KLK6: variants seen among roughly 807,000 people sequenced by gnomAD.
The protein encoded by KLK6 is kallikrein-6.
Under a neutral mutation model 21.7 loss-of-function variants are expected in KLK6, and 16 were observed. That is an observed-to-expected ratio of 0.74 (90% CI 0.50 to 1.12). The LOEUF is 1.12. Among genes scored for constraint, KLK6 ranks in the 50% most tolerant of loss-of-function variants. The pLI is 0.00. For synonymous variants in KLK6, 116 were observed against 120.1 expected (o/e 0.97, Z 0.22); for missense variants, 276 against 304.6 (o/e 0.91, Z 0.70).
rs369361330 is a variant in KLK6, at chr19:50,967,374, C to T, written c.41-49G>A. ...AGAGAGGAGTTCTGGAGAAACCAAG[C>T]GCATCCCCCTCAACATGAACTCCAG... On this transcript the variant is annotated intron_variant, in intron 3 of 6. Transcript: ENST00000310157. 2.9e-4 allele frequency: 443 copies of T among 1,529,166 alleles called. 1 individual carries two copies. Among genetic ancestry groups the T allele is most frequent in the South Asian group, 9.6e-4 (76 of 79,106 alleles). The allele number at this position is 1,529,166 out of a possible 1,614,324, so 94.7% of individuals were successfully genotyped here. A position where few individuals can be genotyped will look rare whatever the true frequency, so the allele number is the denominator to read the frequency against.
At chr19:50,963,123 C>T (rs945523524) in intron 5 of KLK6, among the ~76,000 whole-genome samples, 179 bp downstream of exon 5, 5 of 152,172 alleles carry the variant, frequency 3.3e-5, no homozygotes, top group African/African-American at 1.2e-4. Context: ...CTCACTGGCC[C>T]AGCTCCCAAA....
At chr19:50,967,826 T>A (rs1215948913) in intron 3 of KLK6, among the ~76,000 whole-genome samples, 1 of 152,030 alleles carries the variant, frequency 6.6e-6, no homozygotes, top group Non-Finnish European at 1.5e-5. Flanking sequence ...ACCTCTTCTA[T>A]GTTTAGATCC....
At chr19:50,960,895 A>T (rs891656546) in intron 6 of KLK6, among the ~76,000 whole-genome samples, 9 of 152,134 alleles carry the variant, frequency 5.9e-5, no homozygotes, top group African/African-American at 2.2e-4. Context: ...CCTCCTGAGT[A>T]GCTGGGACTA....
chr19:50,958,940 G>T lies in KLK6; in HGVS notation c.*224C>A. ...TTTCCTGTATTCTCTTAGTGGTGGGGGTAAGACCGAGGACCCAAGTCCTCA... is the reference window on the plus strand; with the variant it reads ...TTTCCTGTATTCTCTTAGTGGTGGGTGTAAGACCGAGGACCCAAGTCCTCA... On this transcript the variant is annotated 3_prime_UTR_variant, in exon 7 of 7. Transcript: ENST00000310157. The T allele has an allele frequency of 1.7e-6, 1 of 581,350 alleles. No individual in the cohort carries two copies. The highest frequency in any genetic ancestry group is 2.1e-5 in the South Asian group (1 of 48,096). The allele number at this position is 581,350 out of a possible 1,614,324, so 36.0% of individuals were successfully genotyped here.
At chr19:50,967,461 T>C (rs902089643) in intron 3 of KLK6, 136 bp from the exon 4 acceptor site, 16 of 770,080 alleles carry the variant, frequency 2.1e-5, no homozygotes, top group East Asian at 1.5e-4. Context: ...GAGGATCGCT[T>C]GAGCCCAGGA....
At chr19:50,961,441 G>T (rs552148486) in intron 6 of KLK6, among the ~76,000 whole-genome samples, 1 of 152,380 alleles carries the variant, frequency 6.6e-6, no homozygotes, top group African/African-American at 2.4e-5. Context: ...CAAAGTGCCG[G>T]GATTACAGGC....
chr19:50,968,460 GT>G (rs2122182427), intron 2 of KLK6, 80 bp downstream of exon 2: 1 of 339,658 alleles, frequency 2.9e-6, no homozygotes, highest in Non-Finnish European at 5.6e-6. Flanking sequence ...CTGTATGGGA[GT>G]TTTCCTCGGA....
At chr19:50,967,531 A>ACACACACACC (rs1279739318) in intron 3 of KLK6, among the ~76,000 whole-genome samples, 4 of 150,626 alleles carry the variant, frequency 2.7e-5, no homozygotes, top group African/African-American at 9.8e-5. Flanking sequence ...ACACACACAC[A>ACACACACACC]CACACACACA....
rs992637176 is a variant in KLK6 at position 50,964,904 on chromosome 19, A to G, written c.198-1355T>C. On this transcript the variant is annotated intron_variant, in intron 4 of 6. Coordinates refer to ENST00000310157, the MANE Select transcript of KLK6 (RefSeq NM_002774.4). ...ATTTTATTTTCTGAGAATACTCAAG[A>G]CGGTTCTCACCTCAGGGGTGTTATC... Among the ~76,000 whole-genome samples, 6 of 152,040 alleles carry G rather than the reference A, an allele frequency of 3.9e-5. No homozygotes were observed. The East Asian group carries it at 7.7e-4, about 20-fold the overall frequency.
chr19:50,966,441 G>A (rs936695540), intron 4 of KLK6, among the ~76,000 whole-genome samples: 5 of 152,192 alleles, frequency 3.3e-5, no homozygotes, highest in African/African-American at 7.2e-5. Context: ...CAGCCCCCAC[G>A]TGGGCCTCCC....
chr19:50,966,130 A>G (rs970958803), intron 4 of KLK6, among the ~76,000 whole-genome samples: 3 of 151,770 alleles, frequency 2.0e-5, no homozygotes, highest in African/African-American at 7.3e-5. Flanking sequence ...CTGCTGGGAC[A>G]TCTCCCCGGC....
chr19:50,963,616 T>C, intron 4 of KLK6, 67 bp from the exon 5 acceptor site: 1 of 1,579,552 alleles, frequency 6.3e-7, no homozygotes, highest in South Asian at 1.1e-5. Context: ...CAGAGAGGGC[T>C]GGGAAGTCAT....
At chr19:50,959,994 GAAGAGGAGA>G (rs2090804363) in intron 6 of KLK6, among the ~76,000 whole-genome samples, 1 of 110,640 alleles carries the variant, frequency 9.0e-6, no homozygotes, top group African/African-American at 3.6e-5. Flanking sequence ...CGAGGAGGAG[GAAGAGGAGA>G]AGGAAGAGGA....
intron 6 of KLK6, among the ~76,000 whole-genome samples, chr19:50,960,335 TGTGTCTCC>T (rs2090822049): frequency 1.4e-5 from 2 of 140,512 alleles, no homozygotes; most frequent in Admixed American, 1.4e-4. Flanking sequence ...TGTTTCTGCC[TGTGTCTCC>T]GTTTCTGCCT....
At chr19:50,968,730 C>T (rs2090968018) in intron 1 of KLK6, 139 bp from the exon 2 acceptor site, 2 of 155,174 alleles carry the variant, frequency 1.3e-5, no homozygotes, top group African/African-American at 4.8e-5. Context: ...GACACACACC[C>T]CCAGCTCCCA....
In KLK6 at chr19:50,959,170, G is replaced by C; in HGVS notation, c.729C>G (p.Ala243=). The C allele has an allele frequency of 6.2e-7, 1 of 1,614,150 alleles. No individual in the cohort carries two copies. Among genetic ancestry groups the C allele is most frequent in the South Asian group, 1.1e-5 (1 of 91,084 alleles). The change falls in exon 7 of 7, where the codon GCC becomes GCG. Residue 243 remains alanine, a synonymous_variant. Transcript: ENST00000310157. ...TAGATGTCACATGTCAGGGTCACTTGGCCTGAATGGTTTTTTGGATCCAGT... is the reference window on the plus strand; with the variant it reads ...TAGATGTCACATGTCAGGGTCACTTCGCCTGAATGGTTTTTTGGATCCAGT... ...YTNWIQKTIQ[A]K
chr19:50,968,170 C>G (rs1568542225), intron 2 of KLK6, 58 bp from the exon 3 acceptor site: 2 of 1,471,884 alleles, frequency 1.4e-6, no homozygotes, highest in East Asian at 4.5e-5. Context: ...CCCCATCCCT[C>G]TGTCTGCTCC....
At position 50,966,545 on chromosome 19, in the gene KLK6, A is replaced by G. The variant is rs545951282; in HGVS notation, c.197+624T>C. Among the ~76,000 whole-genome samples, 8 of 152,346 alleles carry G rather than the reference A, an allele frequency of 5.3e-5. 1 individual carries two copies. The highest frequency in any genetic ancestry group is 1.9e-4 in the African/African-American group (8 of 41,580). The stretch of plus-strand genomic sequence containing the variant: ...GGGTGTGGTGGTGGCTCATGCCTGT[A>G]ATCCCAGCTCTTTGGGAGGGCGAGG... On this transcript the variant is annotated intron_variant, in intron 4 of 6. Coordinates refer to ENST00000310157, the MANE Select transcript of KLK6 (RefSeq NM_002774.4).
chr19:50,966,950 G>GT (rs60756490), intron 4 of KLK6, among the ~76,000 whole-genome samples: 23,951 of 151,312 alleles, frequency 0.16, 3,914 homozygotes, highest in African/African-American at 0.42. Flanking sequence ...AATTTTGCTT[G>GT]TTTTTTTTTG....
Sources: gnomAD v4.1 joint callset for allele counts (sites outside exome capture counted in the v4.1 genomes callset) on GRCh38, gnomAD v4.1.1 for gene constraint, MANE v1.5 for transcripts, NCBI Gene and HGNC (gene_info 2026-07-23, HGNC 2026-07-21) for gene names.